Variants in TENM4 observed in about 807,000 individuals in gnomAD.
The protein encoded by TENM4 is teneurin-4.
In TENM4, 82 loss-of-function variants were observed where a neutral mutation model predicts 243.3. The ratio of observed to expected loss-of-function variants is 0.34; its 90% CI spans 0.28 to 0.40. TENM4 has a LOEUF of 0.40. Among genes scored for constraint, TENM4 ranks in the 10% least tolerant of loss-of-function variants. The pLI, the probability that TENM4 is intolerant of heterozygous loss-of-function variation, is 1.00. For synonymous variants in TENM4, 1,412 were observed against 1,456.3 expected (o/e 0.97, Z 0.69); for missense variants, 3,138 against 3,673.3 (o/e 0.85, Z 3.77).
At chr11:79,231,106 TAAAA>T (rs1210934054) in intron 2 of TENM4, among the ~76,000 whole-genome samples, 1 of 151,846 alleles carries the variant, frequency 6.6e-6, no homozygotes, top group Non-Finnish European at 1.5e-5. Flanking sequence ...CTGCATAACA[TAAAA>T]GAAAGAAAAT....
intron 1 of TENM4, among the ~76,000 whole-genome samples, chr11:79,381,610 G>A (rs1477105227): frequency 6.7e-6 from 1 of 150,304 alleles, no homozygotes; most frequent in East Asian, 1.9e-4. Context: ...GTGCAAGGTA[G>A]ACAGTGAGTC....
At chr11:79,332,254 G>A (rs886352204) in intron 1 of TENM4, among the ~76,000 whole-genome samples, 3 of 152,158 alleles carry the variant, frequency 2.0e-5, no homozygotes, top group South Asian at 2.1e-4. Flanking sequence ...TTTCAGTCCC[G>A]CAGTGCAGGA....
chr11:79,177,111 T>C (rs1195052925), intron 3 of TENM4, among the ~76,000 whole-genome samples: 1 of 151,988 alleles, frequency 6.6e-6, no homozygotes, highest in Non-Finnish European at 1.5e-5. Context: ...CCTAGAACAG[T>C]TGTTTTAAAC....
intron 6 of TENM4, among the ~76,000 whole-genome samples, chr11:79,028,294 A>G (rs1859133980): frequency 6.6e-6 from 1 of 152,226 alleles, no homozygotes; most frequent in African/African-American, 2.4e-5. Context: ...ATGCTGCTCA[A>G]ACCCATCTGA....
In TENM4 at chr11:78,654,491, T is replaced by C. The variant is rs1196585662; in HGVS notation, c.*3567A>G. 6.6e-6 allele frequency: 1 copy of C among 152,206 alleles called. No homozygotes were observed. Among genetic ancestry groups the C allele is most frequent in the African/African-American group, 2.4e-5 (1 of 41,452 alleles). 9.4% of individuals were successfully genotyped at this position (152,206 alleles called of 1,614,324 possible). A position where few individuals can be genotyped will look rare whatever the true frequency, so the allele number is the denominator to read the frequency against. ...AAGTTGCAGCTGCGAAGATTTGTTTTTCTTCTTTTTTCAAATTCTGATTCT... is the reference window on the plus strand; with the variant it reads ...AAGTTGCAGCTGCGAAGATTTGTTTCTCTTCTTTTTTCAAATTCTGATTCT... On this transcript the variant is annotated 3_prime_UTR_variant, in exon 34 of 34. Coordinates refer to ENST00000278550, the MANE Select transcript of TENM4 (RefSeq NM_001098816.3).
At chr11:78,901,601 CA>C in intron 7 of TENM4, among the ~76,000 whole-genome samples, 1 of 152,182 alleles carries the variant, frequency 6.6e-6, no homozygotes, top group East Asian at 1.9e-4. Flanking sequence ...AACATCCAAG[CA>C]GAGGGAGTGG....
chr11:79,131,501 G>A (rs1862002526), intron 4 of TENM4, among the ~76,000 whole-genome samples: 1 of 152,136 alleles, frequency 6.6e-6, no homozygotes, highest in Non-Finnish European at 1.5e-5. Context: ...CCGCTACCCA[G>A]CTACCACTAC....
chr11:78,986,145 G>A (rs2136644748), intron 6 of TENM4, among the ~76,000 whole-genome samples: 1 of 152,276 alleles, frequency 6.6e-6, no homozygotes, highest in East Asian at 1.9e-4. Flanking sequence ...GATAAAATGT[G>A]ATACAAATTT....
chr11:78,825,228 G>C (rs2136131970), intron 12 of TENM4, among the ~76,000 whole-genome samples: 1 of 152,290 alleles, frequency 6.6e-6, no homozygotes, highest in African/African-American at 2.4e-5. Flanking sequence ...GGTGTGATTT[G>C]GAGAAGTCAC....
chr11:79,132,267 A>G lies in TENM4; in HGVS notation c.-66+16443T>C, dbSNP rs1253048491. On this transcript the variant is annotated intron_variant, in intron 4 of 33. Transcript: ENST00000278550. ...AGGCTGAGGCAGGAGAATAGCGTGAACCTGGGAGGCGGAGCTTGCAGTGAG... is the reference window on the plus strand; with the variant it reads ...AGGCTGAGGCAGGAGAATAGCGTGAGCCTGGGAGGCGGAGCTTGCAGTGAG... Among the ~76,000 whole-genome samples, 8 of 142,366 alleles carry G rather than the reference A, an allele frequency of 5.6e-5. No individual in the cohort carries two copies. In the East Asian group the frequency reaches 1.6e-3, roughly 29 times the overall value. 93.4% of individuals were successfully genotyped at this position (142,366 alleles called of 152,430 possible). A position where few individuals can be genotyped will look rare whatever the true frequency, so the allele number is the denominator to read the frequency against.
chr11:78,921,877 T>C (rs1359885498), intron 6 of TENM4, among the ~76,000 whole-genome samples: 1 of 152,180 alleles, frequency 6.6e-6, no homozygotes, highest in African/African-American at 2.4e-5. Context: ...CAACTTTCAC[T>C]GGTACCTACT....
intron 6 of TENM4, among the ~76,000 whole-genome samples, chr11:78,974,723 C>CTTTT (rs5792830): frequency 1.5e-5 from 2 of 129,274 alleles, no homozygotes; most frequent in African/African-American, 3.2e-5. Context: ...CTTTTCTTTT[C>CTTTT]TTTTTTTTTT....
At chr11:78,838,169 T>C (rs565897830) in intron 12 of TENM4, among the ~76,000 whole-genome samples, 1 of 152,286 alleles carries the variant, frequency 6.6e-6, no homozygotes, top group East Asian at 1.9e-4. Context: ...CAATTATTAG[T>C]GTGGTTAAAC....
rs555149751 is a variant in TENM4, at chr11:79,338,331, G to A, written c.-320-40788C>T. On this transcript the variant is annotated intron_variant, in intron 1 of 33. Coordinates refer to ENST00000278550, the MANE Select transcript of TENM4 (RefSeq NM_001098816.3). ...AAATTTTCATTTCCTTCTCCCTTGGGAATTGTTTCTGAAAAGCAGCTGCTG... is the reference window on the plus strand; with the variant it reads ...AAATTTTCATTTCCTTCTCCCTTGGAAATTGTTTCTGAAAAGCAGCTGCTG... Among the ~76,000 whole-genome samples the A allele has an allele frequency of 1.8e-4, 27 of 152,308 alleles. No homozygotes were observed. In the South Asian group the frequency reaches 5.6e-3, roughly 32 times the overall value.
intron 6 of TENM4, among the ~76,000 whole-genome samples, chr11:79,016,270 T>C (rs943498844): frequency 5.3e-5 from 8 of 152,100 alleles, no homozygotes; most frequent in African/African-American, 1.9e-4. Flanking sequence ...GGGACTTGAC[T>C]TAAGGTTATG....
chr11:78,883,429 C>G (rs1416403254), intron 9 of TENM4, among the ~76,000 whole-genome samples: 1 of 152,212 alleles, frequency 6.6e-6, no homozygotes, highest in African/African-American at 2.4e-5. Flanking sequence ...CATCTTCCTT[C>G]CTGATGAGAA....
At chr11:79,328,596 T>C (rs514829) in intron 1 of TENM4, among the ~76,000 whole-genome samples, 118,047 of 151,386 alleles carry the variant, frequency 0.78, 46,426 homozygotes, top group South Asian at 0.87. Flanking sequence ...GTGGCGGTGG[T>C]GGTGGCGGTG....
chr11:79,283,835 T>C (rs1472883693), intron 2 of TENM4, among the ~76,000 whole-genome samples: 1 of 152,128 alleles, frequency 6.6e-6, no homozygotes, highest in African/African-American at 2.4e-5. Flanking sequence ...AAAAGAGCTA[T>C]TAGAATAAAC....
intron 1 of TENM4, among the ~76,000 whole-genome samples, chr11:79,424,223 A>G (rs1454377280): frequency 1.3e-5 from 2 of 152,156 alleles, no homozygotes; most frequent in Non-Finnish European, 2.9e-5. Flanking sequence ...AAGGCACTGG[A>G]ATCTAGTAGA....
Sources: gnomAD v4.1 joint callset for allele counts (sites outside exome capture counted in the v4.1 genomes callset) on GRCh38, gnomAD v4.1.1 for gene constraint, MANE v1.5 for transcripts, NCBI Gene and HGNC (gene_info 2026-07-23, HGNC 2026-07-21) for gene names.